STIMATE: variants seen among roughly 807,000 people sequenced by gnomAD.
The protein encoded by STIMATE is store-operated calcium entry regulator STIMATE.
In STIMATE, 15 loss-of-function variants were observed where a neutral mutation model predicts 36.7. That is an observed-to-expected ratio of 0.41 (90% CI 0.27 to 0.63). STIMATE has a LOEUF of 0.63. Among genes scored for constraint, STIMATE ranks in the 20% least tolerant of loss-of-function variants. The pLI is 0.32. For missense variants in STIMATE, 305 were observed against 397.3 expected (o/e 0.77, Z 1.98); for synonymous variants, 163 against 162.3 (o/e 1.00, Z -0.03).
chr3:52,856,234 C>T (rs1028329320), intron 1 of STIMATE, among the ~76,000 whole-genome samples: 5 of 152,124 alleles, frequency 3.3e-5, no homozygotes, highest in Non-Finnish European at 1.5e-5. Flanking sequence ...CCTGGAGGAG[C>T]GGCAGGTAGC....
chr3:52,854,669 A>C (rs1371420680), intron 2 of STIMATE, among the ~76,000 whole-genome samples: 3 of 152,218 alleles, frequency 2.0e-5, no homozygotes. Flanking sequence ...TTAGCGGGGA[A>C]GTGGGGGTTG....
intron 1 of STIMATE, among the ~76,000 whole-genome samples, chr3:52,859,700 A>T (rs1701182282): frequency 6.6e-6 from 1 of 151,566 alleles, no homozygotes; most frequent in African/African-American, 2.4e-5. Context: ...GAAAAAAAGA[A>T]AAAAATCCAA....
At chr3:52,890,890 C>T (rs938632733) in intron 1 of STIMATE, among the ~76,000 whole-genome samples, 1 of 152,130 alleles carries the variant, frequency 6.6e-6, no homozygotes, top group Non-Finnish European at 1.5e-5. Context: ...GGCGGGGGTG[C>T]CTTCGCCTCA....
intron 1 of STIMATE, among the ~76,000 whole-genome samples, chr3:52,859,712 G>C (rs1026549135): frequency 6.6e-6 from 1 of 150,722 alleles, no homozygotes; most frequent in African/African-American, 2.4e-5. Flanking sequence ...AAAATCCAAG[G>C]GCTACTTTTG....
intron 1 of STIMATE, among the ~76,000 whole-genome samples, chr3:52,856,978 A>G (rs932528989): frequency 2.1e-4 from 32 of 152,344 alleles, no homozygotes; most frequent in African/African-American, 7.5e-4. Flanking sequence ...GTACCAAGGA[A>G]GAAACAGATG....
rs568026798 is a variant in STIMATE at position 52,838,462 on chromosome 3, A to C, written c.*2032T>G. On this transcript the variant is annotated 3_prime_UTR_variant, in exon 8 of 8. Coordinates refer to ENST00000355083, the MANE Select transcript of STIMATE (RefSeq NM_198563.5). ...ACTGAGTCAGTGATGCCATGAGGGA[A>C]TGACCGTCCTGTCAGGAACATGAGT... 2 of 152,342 alleles carry C rather than the reference A, an allele frequency of 1.3e-5. No homozygotes were observed. The highest frequency in any genetic ancestry group is 1.3e-4 in the Admixed American group (2 of 15,302). The allele number at this position is 152,342 out of a possible 1,614,324, so 9.4% of individuals were successfully genotyped here. A position where few individuals can be genotyped will look rare whatever the true frequency, so the allele number is the denominator to read the frequency against.
At chr3:52,859,053 T>G (rs562510416) in intron 1 of STIMATE, among the ~76,000 whole-genome samples, 4 of 151,528 alleles carry the variant, frequency 2.6e-5, no homozygotes, top group Admixed American at 2.6e-4. Context: ...TCCCAGCTAT[T>G]TGGGAGGCAG....
In STIMATE at chr3:52,857,430, C is replaced by T. The variant is rs181930033; in HGVS notation, c.161-1986G>A. 7.4e-3 allele frequency among the ~76,000 whole-genome samples: 1,121 copies of T among 152,272 alleles called. 119 individuals are homozygous for T. In the South Asian group the frequency reaches 0.21, roughly 28 times the overall value. On this transcript the variant is annotated intron_variant, in intron 1 of 7. Coordinates refer to ENST00000355083, the MANE Select transcript of STIMATE (RefSeq NM_198563.5). ...TGGGGGCTGGAACTCAGGAAGGAGA[C>T]ATGAGAAAACTAGGCCAGGACAAAA...
intron 4 of STIMATE, among the ~76,000 whole-genome samples, chr3:52,845,715 G>C (rs1298379195): frequency 6.6e-6 from 1 of 152,154 alleles, no homozygotes; most frequent in East Asian, 1.9e-4. Context: ...ATGCCTCCAG[G>C]ACATTTTGAA....
chr3:52,873,371 TG>T (rs1701441452), intron 1 of STIMATE, among the ~76,000 whole-genome samples: 1 of 152,268 alleles, frequency 6.6e-6, no homozygotes, highest in African/African-American at 2.4e-5. Context: ...AAATTAGTAT[TG>T]ATTTTTGCCC....
At chr3:52,895,040 C>T (rs1701843821) in intron 1 of STIMATE, among the ~76,000 whole-genome samples, 1 of 152,246 alleles carries the variant, frequency 6.6e-6, no homozygotes, top group African/African-American at 2.4e-5. Flanking sequence ...CAACAGATGC[C>T]CCTCCTGGCA....
intron 4 of STIMATE, 135 bp from the exon 5 acceptor site, chr3:52,845,076 A>C: frequency 4.2e-6 from 3 of 716,870 alleles, no homozygotes; most frequent in Non-Finnish European, 6.5e-6. Context: ...GCCCCCCCAA[A>C]AGTCCAAAGG....
chr3:52,895,914 C>T (rs1377897544), intron 1 of STIMATE: 1 of 1,289,648 alleles, frequency 7.8e-7, no homozygotes, highest in African/African-American at 1.5e-5. Context: ...TACATGCGCC[C>T]AAGTCAGCAG....
At chr3:52,857,563 T>C (rs1006955438) in intron 1 of STIMATE, among the ~76,000 whole-genome samples, 1 of 152,038 alleles carries the variant, frequency 6.6e-6, no homozygotes, top group Admixed American at 6.6e-5. Flanking sequence ...GGACATCAAA[T>C]ATATCTTGAG....
chr3:52,861,069 G>C (rs1411503892), intron 1 of STIMATE, among the ~76,000 whole-genome samples: 1 of 152,198 alleles, frequency 6.6e-6, no homozygotes, highest in African/African-American at 2.4e-5. Context: ...GACTTGCTCA[G>C]ATGGAGCCAG....
intron 1 of STIMATE, among the ~76,000 whole-genome samples, chr3:52,887,088 G>A (rs1364951570): frequency 6.6e-6 from 1 of 152,194 alleles, no homozygotes; most frequent in African/African-American, 2.4e-5. Flanking sequence ...AGAAAAAAAA[G>A]CGATGACAGT....
At chr3:52,874,167 A>G (rs147613538) in intron 1 of STIMATE, among the ~76,000 whole-genome samples, 313 of 152,374 alleles carry the variant, frequency 2.1e-3, no homozygotes, top group African/African-American at 7.0e-3. Context: ...CTAAATGTCC[A>G]TCGATAGGGA....
At chr3:52,845,481 C>T (rs2336158) in intron 4 of STIMATE, among the ~76,000 whole-genome samples, 135,462 of 152,164 alleles carry the variant, frequency 0.89, 62,194 homozygotes, top group Non-Finnish European at 1. Context: ...AGAGCAGAAA[C>T]GTGACTCTGG....
Position 52,883,276 on chromosome 3 carries a change from T to C in STIMATE, c.160+14015A>G, listed in dbSNP as rs1279124846. On this transcript the variant is annotated intron_variant, in intron 1 of 7. Transcript: ENST00000355083. ...CTTTAAAGATGTTGTTCCATTGTCT[T>C]CAGGCTTGAATAGCTTGACAAAAAA... is the stretch of plus-strand genomic sequence containing the variant. Among the ~76,000 whole-genome samples the C allele has an allele frequency of 2.6e-5, 4 of 152,242 alleles. 1 individual carries two copies. Among genetic ancestry groups the C allele is most frequent in the Non-Finnish European group, 5.9e-5 (4 of 68,032 alleles).
Sources: allele counts gnomAD v4.1 joint callset (sites outside exome capture counted in the v4.1 genomes callset), GRCh38; gene constraint gnomAD v4.1.1; transcripts MANE v1.5; gene names NCBI Gene and HGNC (gene_info 2026-07-23, HGNC 2026-07-21).